The following RUNX1T1 variants were observed in gnomAD, a reference collection of about 807,000 sequenced individuals.
RUNX1T1 encodes the protein RUNX1 partner transcriptional co-repressor 1, also known as protein CBFA2T1.
RUNX1T1 carries 4 observed loss-of-function variants against 62.8 expected under a neutral mutation model. The ratio of observed to expected loss-of-function variants is 0.06; its 90% CI spans 0.03 to 0.15. The LOEUF is 0.15. Among genes scored for constraint, RUNX1T1 ranks in the 10% least tolerant of loss-of-function variants. The pLI is 1.00. For missense variants in RUNX1T1, 508 were observed against 754.3 expected (o/e 0.67, Z 3.82); for synonymous variants, 291 against 286.0 (o/e 1.02, Z -0.18).
intron 4 of RUNX1T1, 107 bp downstream of exon 5, chr8:92,010,895 C>T: frequency 3.1e-6 from 2 of 640,760 alleles, no homozygotes; most frequent in Admixed American, 2.6e-5. Flanking sequence ...AGTTTTCATC[C>T]ATTAAATTAA....
At chr8:91,981,605 C>T (rs917235639) in intron 8 of RUNX1T1, among the ~76,000 whole-genome samples, 9 of 151,284 alleles carry the variant, frequency 5.9e-5, no homozygotes, top group African/African-American at 1.7e-4. Context: ...TTAGCATAGA[C>T]GGGGTTTCAC....
chr8:92,087,265 A>G (rs1488962493), intron 1 of RUNX1T1, among the ~76,000 whole-genome samples: 1 of 152,016 alleles, frequency 6.6e-6, no homozygotes, highest in Non-Finnish European at 1.5e-5. Flanking sequence ...TTAAATCAAA[A>G]TGCTTGATAT....
At chr8:92,095,016 C>G (rs1837580043) in intron 1 of RUNX1T1, 2 of 1,530,874 alleles carry the variant, frequency 1.3e-6, no homozygotes, top group Non-Finnish European at 8.8e-7. Flanking sequence ...TAAGGCCCTC[C>G]GGTATTCTCA....
At chr8:91,963,877 T>C (rs1353000227) in intron 10 of RUNX1T1, among the ~76,000 whole-genome samples, 1 of 152,224 alleles carries the variant, frequency 6.6e-6, no homozygotes, top group Non-Finnish European at 1.5e-5. Flanking sequence ...GTCACTGAAA[T>C]TACCATAATA....
Position 91,960,154 on chromosome 8 carries a change from C to CA in RUNX1T1, c.*87dup, listed in dbSNP as rs913511703. 126 of 1,380,162 alleles carry CA rather than the reference C, an allele frequency of 9.1e-5. 1 individual carries two copies. Among genetic ancestry groups the CA allele is most frequent in the South Asian group, 3.9e-4 (29 of 74,892 alleles). The allele number at this position is 1,380,162 out of a possible 1,614,324, so 85.5% of individuals were successfully genotyped here. On this transcript the variant is annotated 3_prime_UTR_variant, in exon 11 of 11. Transcript: ENST00000396218. ...ATAATTCATCTAATAAACAAACAAA[C>CA]AAAAAAAACAACTTTGAGCATCTGA... is the stretch of plus-strand genomic sequence containing the variant.
At chr8:92,091,042 T>C (rs1169156671) in intron 1 of RUNX1T1, among the ~76,000 whole-genome samples, 2 of 152,164 alleles carry the variant, frequency 1.3e-5, no homozygotes, top group Non-Finnish European at 1.5e-5. Flanking sequence ...CACTTAGAAG[T>C]GGTCTGTGCC....
chr8:92,002,880 T>C lies in RUNX1T1; in HGVS notation c.659+2236A>G, dbSNP rs574112699. On this transcript the variant is annotated intron_variant, in intron 5 of 10. Transcript: ENST00000396218. ...TAACCAGAGAAGAGGAAAATGCATA[T>C]GCAAACAAGATGCAGAAAATATATG... Among the ~76,000 whole-genome samples the C allele has an allele frequency of 2.6e-5, 4 of 152,266 alleles. No homozygotes were observed. The South Asian group carries it at 8.3e-4, about 32-fold the overall frequency.
At position 91,964,627 on chromosome 8, in the gene RUNX1T1, T is replaced by C. The variant is rs546604575; in HGVS notation, c.1459-4110A>G. Among the ~76,000 whole-genome samples the C allele has an allele frequency of 9.2e-5, 14 of 152,234 alleles. 1 individual carries two copies. The highest frequency in any genetic ancestry group is 7.9e-4 in the Admixed American group (12 of 15,286). ...AAAGGCTTGCCCCAAGTCACAAAAA[T>C]ATAAAATTACATAGCCAAAGTTTGA... On this transcript the variant is annotated intron_variant, in intron 10 of 10. Coordinates refer to ENST00000396218, the Ensembl canonical transcript of RUNX1T1.
intron 1 of RUNX1T1, among the ~76,000 whole-genome samples, chr8:92,081,527 T>C (rs1212734097): frequency 6.6e-6 from 1 of 150,694 alleles, no homozygotes; most frequent in Non-Finnish European, 1.5e-5. Flanking sequence ...CATAAACTGA[T>C]GTTTGGTAGT....
chr8:92,062,973 C>T (rs1367041211), upstream of RUNX1T1: 5 of 1,217,574 alleles, frequency 4.1e-6, no homozygotes, highest in Non-Finnish European at 5.2e-6. Context: ...ACCACCACCC[C>T]CATCCTGTTC....
At chr8:92,067,764 T>C (rs1210490548), upstream of RUNX1T1, among the ~76,000 whole-genome samples, 3 of 152,184 alleles carry the variant, frequency 2.0e-5, no homozygotes, top group Admixed American at 1.3e-4. Context: ...TAAGACAAAA[T>C]ATCACACTGA....
At chr8:91,961,581 A>C (rs757670904) in intron 10 of RUNX1T1, among the ~76,000 whole-genome samples, 8 of 152,352 alleles carry the variant, frequency 5.3e-5, no homozygotes, top group Admixed American at 1.3e-4. Flanking sequence ...AACATACCAG[A>C]GACAGAAGAG....
chr8:92,098,113 T>TTTTC (rs746917044), intron 1 of RUNX1T1, among the ~76,000 whole-genome samples: 6 of 152,346 alleles, frequency 3.9e-5, no homozygotes, highest in East Asian at 3.9e-4. Flanking sequence ...AAATCTAGCA[T>TTTTC]TTTCTTTCTT....
At chr8:92,100,289 T>G (rs1837974955), upstream of RUNX1T1, among the ~76,000 whole-genome samples, 1 of 151,862 alleles carries the variant, frequency 6.6e-6, no homozygotes, top group African/African-American at 2.4e-5. Flanking sequence ...AAAGAAAAAA[T>G]AGACTGTTTT....
At chr8:92,011,743 C>T (rs1821972967) in intron 3 of RUNX1T1, among the ~76,000 whole-genome samples, 1 of 152,144 alleles carries the variant, frequency 6.6e-6, no homozygotes, top group African/African-American at 2.4e-5. Flanking sequence ...CTAGAGGCAA[C>T]TGCTTGACCC....
intron 5 of RUNX1T1, among the ~76,000 whole-genome samples, chr8:91,998,587 A>G (rs1819152988): frequency 6.6e-6 from 1 of 152,224 alleles, no homozygotes; most frequent in African/African-American, 2.4e-5. Context: ...TGGGGGAGCC[A>G]TCTGAGCCTT....
chr8:92,091,548 C>G (rs996722773), intron 1 of RUNX1T1, among the ~76,000 whole-genome samples: 1 of 152,132 alleles, frequency 6.6e-6, no homozygotes, highest in Non-Finnish European at 1.5e-5. Flanking sequence ...TGTAAGGTAC[C>G]GTGGCTTCAA....
intron 6 of RUNX1T1, among the ~76,000 whole-genome samples, chr8:91,987,592 A>G (rs1486159334): frequency 6.6e-6 from 1 of 152,190 alleles, no homozygotes; most frequent in Non-Finnish European, 1.5e-5. Flanking sequence ...AAAAAAAATT[A>G]ATATACCAGA....
At chr8:91,965,662 G>C (rs1013009184) in intron 10 of RUNX1T1, among the ~76,000 whole-genome samples, 5 of 152,048 alleles carry the variant, frequency 3.3e-5, no homozygotes, top group Non-Finnish European at 7.4e-5. Flanking sequence ...GTCCATTTCA[G>C]TCTTTGGCAA....
Sources: gnomAD v4.1 joint callset for allele counts (sites outside exome capture counted in the v4.1 genomes callset) on GRCh38, gnomAD v4.1.1 for gene constraint, MANE v1.5 for transcripts, NCBI Gene and HGNC (gene_info 2026-07-23, HGNC 2026-07-21) for gene names.